The following CDK7 variants were observed in gnomAD, a reference collection of about 807,000 sequenced individuals.
The protein encoded by CDK7 is cyclin dependent kinase 7.
CDK7 carries 25 observed loss-of-function variants against 49.1 expected under a neutral mutation model. The observed-to-expected ratio is 0.51, with a 90% CI of 0.37 to 0.71. The LOEUF (loss-of-function observed/expected upper bound fraction) is 0.71, where lower values mean the gene tolerates loss of function less well. CDK7 is among the 30% of genes least tolerant of loss of function. The pLI is 0.00. For synonymous variants in CDK7, 107 were observed against 140.0 expected, an observed-to-expected ratio of 0.76 and a Z score of 1.67; for missense variants, 316 against 411.7, an observed-to-expected ratio of 0.77 and a Z score of 2.01.
In CDK7 at chr5:69,234,962, C is replaced by T. The variant is rs1359763014; in HGVS notation, c.-14C>T. ...CTCGCCCTTTTCGGCTGGAGTCGGG[C>T]TTTACGGCGCCGGATGGCTCTGGAC... On this transcript the variant is annotated 5_prime_UTR_variant, in exon 1 of 12. Transcript: ENST00000256443. 4 of 1,587,356 alleles carry T rather than the reference C, an allele frequency of 2.5e-6. No individual in the cohort carries two copies. Among genetic ancestry groups the T allele is most frequent in the Non-Finnish European group, 3.4e-6 (4 of 1,167,082 alleles).
intron 8 of CDK7, among the ~76,000 whole-genome samples, chr5:69,265,943 C>G (rs1420378386): frequency 1.3e-5 from 2 of 151,904 alleles, no homozygotes; most frequent in South Asian, 2.1e-4. Flanking sequence ...AAGAAATTAG[C>G]CAGACTTGGT....
chr5:69,254,272 C>G (rs1034678975), intron 3 of CDK7, among the ~76,000 whole-genome samples: 1 of 151,928 alleles, frequency 6.6e-6, no homozygotes, highest in South Asian at 2.1e-4. Context: ...GCCTGTAATC[C>G]CAGCACTTCA....
Position 69,277,275 on chromosome 5 carries a change from TA to T in CDK7, c.*141del. 1 of 473,758 alleles carries T rather than the reference TA, an allele frequency of 2.1e-6. No individual in the cohort carries two copies. The allele number at this position is 473,758 out of a possible 1,614,324, so 29.3% of individuals were successfully genotyped here. A position where few individuals can be genotyped will look rare whatever the true frequency, so the allele number is the denominator to read the frequency against. On this transcript the variant is annotated 3_prime_UTR_variant, in exon 12 of 12. Transcript: ENST00000256443. Reference sequence around the variant, plus strand: ...ATGTAAAATATGTAAAACTATGGGTTATTTTTATTAAATGTATTTTAAAATA... The same window carrying T: ...ATGTAAAATATGTAAAACTATGGGTTTTTTTATTAAATGTATTTTAAAATA...
chr5:69,275,657 T>G (rs1463692914), intron 10 of CDK7, among the ~76,000 whole-genome samples: 1 of 152,180 alleles, frequency 6.6e-6, no homozygotes, highest in East Asian at 1.9e-4. Flanking sequence ...ATTAAAAATT[T>G]TGTCAAATTA....
chr5:69,251,026 C>A (rs1750104243), intron 2 of CDK7, among the ~76,000 whole-genome samples: 1 of 151,910 alleles, frequency 6.6e-6, no homozygotes, highest in East Asian at 1.9e-4. Flanking sequence ...AACTCCTGGG[C>A]TCAAGCAATC....
At chr5:69,262,064 C>A in intron 7 of CDK7, 141 bp from the exon 8 acceptor site, 2 of 935,568 alleles carry the variant, frequency 2.1e-6, no homozygotes, top group Non-Finnish European at 3.2e-6. Context: ...TTTAAAACTT[C>A]ATGAAAGAGT....
At chr5:69,250,151 A>T (rs1750043881) in intron 2 of CDK7, among the ~76,000 whole-genome samples, 1 of 152,202 alleles carries the variant, frequency 6.6e-6, no homozygotes, top group Non-Finnish European at 1.5e-5. Context: ...TGCCATCTGT[A>T]CATTGAAGAG....
At chr5:69,244,163 A>G (rs1342897545) in intron 2 of CDK7, among the ~76,000 whole-genome samples, 3 of 152,040 alleles carry the variant, frequency 2.0e-5, no homozygotes, top group Admixed American at 2.0e-4. Context: ...CTTTCACTTA[A>G]TTTGGTTAAT....
intron 5 of CDK7, 182 bp downstream of exon 5, chr5:69,255,710 T>C: frequency 3.2e-6 from 2 of 631,434 alleles, no homozygotes; most frequent in Non-Finnish European, 2.9e-6. Flanking sequence ...TTTAGTGATA[T>C]CCCCAGTGTT....
At chr5:69,270,735 T>G (rs182300774) in intron 9 of CDK7, among the ~76,000 whole-genome samples, 38 of 152,350 alleles carry the variant, frequency 2.5e-4, no homozygotes, top group Admixed American at 9.8e-4. Context: ...TATATAACTT[T>G]GTGGGATTAA....
chr5:69,235,375 T>C lies in CDK7; in HGVS notation c.67-19T>C, dbSNP rs760779004. 46 of 1,545,518 alleles carry C rather than the reference T, an allele frequency of 3.0e-5. No individual in the cohort carries two copies. Among genetic ancestry groups the C allele is most frequent in the Non-Finnish European group, 3.7e-5 (41 of 1,118,764 alleles). On this transcript the variant is annotated intron_variant, in intron 1 of 11. Transcript: ENST00000256443. ...CAAAAACTCCCATAAACTTATGTTATTTCTATTTTTCTTTCTAGTTTGCCA... is the reference window on the plus strand; with the variant it reads ...CAAAAACTCCCATAAACTTATGTTACTTCTATTTTTCTTTCTAGTTTGCCA...
chr5:69,260,391 T>G (rs1034352318), intron 7 of CDK7, among the ~76,000 whole-genome samples: 18 of 152,170 alleles, frequency 1.2e-4, no homozygotes, highest in Admixed American at 6.5e-5. Flanking sequence ...CCTGTCATTT[T>G]TATGTTAGGT....
chr5:69,275,817 A>G (rs566370467), intron 10 of CDK7, among the ~76,000 whole-genome samples: 60 of 152,272 alleles, frequency 3.9e-4, no homozygotes, highest in Non-Finnish European at 7.8e-4. Context: ...TCCACAAAAA[A>G]TAAGTGTAAA....
At position 69,254,590 on chromosome 5, in the gene CDK7, CT is replaced by C; in HGVS notation, c.161-7del. 7.8e-7 allele frequency: 1 copy of C among 1,285,900 alleles called. No individual in the cohort carries two copies. The highest frequency in any genetic ancestry group is 1.1e-6 in the Non-Finnish European group (1 of 894,948). The allele number at this position is 1,285,900 out of a possible 1,614,324, so 79.7% of individuals were successfully genotyped here. ...CAGAATTATTCACTTTTTGCTTTGC[CT>C]TTTTATATAGGTATAAATAGAACCG... On this transcript the variant is annotated splice_polypyrimidine_tract_variant and intron_variant, in intron 3 of 11. Transcript: ENST00000256443.
At chr5:69,262,891 A>G (rs926059086) in intron 8 of CDK7, among the ~76,000 whole-genome samples, 4 of 152,212 alleles carry the variant, frequency 2.6e-5, no homozygotes, top group African/African-American at 9.6e-5. Flanking sequence ...CAGTATCTCT[A>G]TAACAACTAA....
chr5:69,241,406 C>A (rs775010398), intron 2 of CDK7, among the ~76,000 whole-genome samples: 3 of 149,254 alleles, frequency 2.0e-5, no homozygotes, highest in African/African-American at 7.5e-5. Context: ...CTGCAACCTC[C>A]GCCTCCTGGG....
At chr5:69,254,051 G>C (rs1750321906) in intron 3 of CDK7, among the ~76,000 whole-genome samples, 2 of 152,148 alleles carry the variant, frequency 1.3e-5, no homozygotes, top group Non-Finnish European at 2.9e-5. Flanking sequence ...TGTGAGCCGA[G>C]ATCATGCCAC....
intron 2 of CDK7, among the ~76,000 whole-genome samples, chr5:69,248,325 A>T (rs1386036393): frequency 6.6e-6 from 1 of 152,004 alleles, no homozygotes. Flanking sequence ...GGGCTCCATT[A>T]TATGTTACTG....
At chr5:69,244,773 C>G (rs1749625359) in intron 2 of CDK7, among the ~76,000 whole-genome samples, 1 of 151,892 alleles carries the variant, frequency 6.6e-6, no homozygotes, top group African/African-American at 2.4e-5. Context: ...TGTTCAAGCT[C>G]TTAAAGGAAA....
Sources: allele counts gnomAD v4.1 joint callset (sites outside exome capture counted in the v4.1 genomes callset), GRCh38; gene constraint gnomAD v4.1.1; transcripts MANE v1.5; gene names NCBI Gene and HGNC (gene_info 2026-07-23, HGNC 2026-07-21).